The following USP30 variants were observed in gnomAD, a reference collection of about 807,000 sequenced individuals.
The protein encoded by USP30 is ubiquitin specific peptidase 30, also known as ubiquitin carboxyl-terminal hydrolase 30.
USP30 carries 41 observed loss-of-function variants against 68.2 expected under a neutral mutation model. The observed-to-expected ratio is 0.60, with a 90% CI of 0.47 to 0.78. USP30 has a LOEUF of 0.78. Among genes scored for constraint, USP30 ranks in the 30% least tolerant of loss-of-function variants. USP30 has a pLI of 0.00. For missense variants in USP30, 522 were observed against 649.4 expected, an observed-to-expected ratio of 0.80 and a Z score of 2.13; for synonymous variants, 229 against 253.7, an observed-to-expected ratio of 0.90 and a Z score of 0.93.
intron 7 of USP30, among the ~76,000 whole-genome samples, chr12:109,079,868 C>T (rs147855167): frequency 1.2e-3 from 181 of 152,260 alleles, no homozygotes; most frequent in African/African-American, 4.1e-3. Context: ...GTGAGGTCCT[C>T]GTGTGCTGAC....
At chr12:109,039,412 G>A (rs1262866306) in intron 3 of USP30, among the ~76,000 whole-genome samples, 1 of 152,150 alleles carries the variant, frequency 6.6e-6, no homozygotes, top group South Asian at 2.1e-4. Flanking sequence ...GATAGGGCTT[G>A]TGTTCTAGTC....
intron 6 of USP30, among the ~76,000 whole-genome samples, chr12:109,072,840 A>G (rs1471235807): frequency 6.6e-6 from 1 of 152,238 alleles, no homozygotes; most frequent in Non-Finnish European, 1.5e-5. Context: ...GCCTCATAAC[A>G]ACTCTACAAA....
intron 12 of USP30, 58 bp from the exon 13 acceptor site, chr12:109,085,609 G>A: frequency 6.3e-7 from 1 of 1,585,404 alleles, no homozygotes; most frequent in Non-Finnish European, 8.6e-7. Flanking sequence ...TTTTGTTTTT[G>A]CCTATAAAGT....
Position 109,052,642 on chromosome 12 carries a change from G to A in USP30, c.-37G>A, listed in dbSNP as rs1299709206. The A allele has an allele frequency of 2.7e-6, 4 of 1,464,082 alleles. No individual in the cohort carries two copies. The highest frequency in any genetic ancestry group is 3.6e-6 in the Non-Finnish European group (4 of 1,114,644). The allele number at this position is 1,464,082 out of a possible 1,614,324, so 90.7% of individuals were successfully genotyped here. On this transcript the variant is annotated 5_prime_UTR_variant, in exon 1 of 13. Transcript: ENST00000257548. ...CGGTCCGGCGGCGGCGGCGGCGGTA[G>A]CGGAGGAGACGGTTTCAGGCCTCCG...
chr12:109,040,666 T>C (rs2040558218), intron 3 of USP30, among the ~76,000 whole-genome samples: 1 of 152,234 alleles, frequency 6.6e-6, no homozygotes, highest in African/African-American at 2.4e-5. Flanking sequence ...ACTCACGTGA[T>C]TGGCAAGTTG....
chr12:109,048,749 A>AAAAAC (rs2040630910), upstream of USP30, among the ~76,000 whole-genome samples: 1 of 151,864 alleles, frequency 6.6e-6, no homozygotes, highest in Non-Finnish European at 1.5e-5. Flanking sequence ...CAAAAAAAAA[A>AAAAAC]AAAACAAAAA....
chr12:109,043,852 AT>A, intron 3 of USP30, among the ~76,000 whole-genome samples: 1 of 152,336 alleles, frequency 6.6e-6, no homozygotes, highest in East Asian at 1.9e-4. Context: ...ATATCCAGCA[AT>A]TTCAGGTTGG....
chr12:109,054,182 C>CA (rs1308363380), intron 1 of USP30: 14 of 399,424 alleles, frequency 3.5e-5, no homozygotes, highest in African/African-American at 1.9e-4. Context: ...TTTGTGAACT[C>CA]ACGTATCGTG....
rs150841677 is a variant in USP30 at position 109,038,998 on chromosome 12, C to T, written c.-135-8592C>T. ...AATTGCAAGAGTTCTTTACATATTC[C>T]GGATACAAGTCTTTGTTAGATATAT... On this transcript the variant is annotated intron_variant, in intron 3 of 15. Transcript: ENST00000392784. Among the ~76,000 whole-genome samples, 329 of 152,154 alleles carry T rather than the reference C, an allele frequency of 2.2e-3. 1 individual carries two copies. Among genetic ancestry groups the T allele is most frequent in the African/African-American group, 7.1e-3 (294 of 41,500 alleles).
intron 2 of USP30, among the ~76,000 whole-genome samples, chr12:109,025,831 G>A (rs2040441260): frequency 1.3e-5 from 2 of 151,920 alleles, no homozygotes; most frequent in Non-Finnish European, 2.9e-5. Flanking sequence ...AGGACTACAA[G>A]TGTGCACCAC....
At chr12:109,053,622 C>G (rs980529642) in intron 1 of USP30, 1 of 160,070 alleles carries the variant, frequency 6.2e-6, no homozygotes, top group East Asian at 1.8e-4. Flanking sequence ...GGCTGAAAGT[C>G]CTCGATACTT....
At chr12:109,068,688 T>G (rs189087215) in intron 4 of USP30, among the ~76,000 whole-genome samples, 1 of 152,344 alleles carries the variant, frequency 6.6e-6, no homozygotes, top group Non-Finnish European at 1.5e-5. Flanking sequence ...ATAACTTTTT[T>G]AAGGTCCGAC....
intron 7 of USP30, among the ~76,000 whole-genome samples, chr12:109,080,437 C>G (rs1464577895): frequency 1.3e-5 from 2 of 152,164 alleles, no homozygotes; most frequent in Admixed American, 6.5e-5. Context: ...TGTTTTGTTG[C>G]AAACTTTACA....
At chr12:109,043,724 A>T (rs1242536759) in intron 3 of USP30, among the ~76,000 whole-genome samples, 1 of 152,218 alleles carries the variant, frequency 6.6e-6, no homozygotes, top group African/African-American at 2.4e-5. Context: ...AAAATTGGCA[A>T]ATTGGACTTC....
At position 109,073,817 on chromosome 12, in the gene USP30, G is replaced by T. The variant is rs546884044; in HGVS notation, c.720+285G>T. Among the ~76,000 whole-genome samples the T allele has an allele frequency of 7.9e-5, 12 of 152,192 alleles. No homozygotes were observed. The East Asian group carries it at 2.3e-3, about 29-fold the overall frequency. ...GTGGACACAGTAGATTCTAGGGCTG[G>T]TTTTTTCCCCTTTACTTTTGAGGTT... On this transcript the variant is annotated intron_variant, in intron 7 of 12. Transcript: ENST00000257548.
chr12:109,062,328 C>CTTTTTTTTTTTTTTTTTT (rs773303115), intron 3 of USP30, among the ~76,000 whole-genome samples: 1 of 103,068 alleles, frequency 9.7e-6, no homozygotes. Context: ...ACCTCCTTCA[C>CTTTTTTTTTTTTTTTTTT]TTTTTTTTTT....
rs186075171 is a variant in USP30, at chr12:109,078,357, G to A, written c.721-2977G>A. Among the ~76,000 whole-genome samples, 10 of 151,948 alleles carry A rather than the reference G, an allele frequency of 6.6e-5. 1 individual carries two copies. The highest frequency in any genetic ancestry group is 4.2e-4 in the South Asian group (2 of 4,804). On this transcript the variant is annotated intron_variant, in intron 7 of 12. Transcript: ENST00000257548. Reference sequence around the variant, plus strand: ...GAGAATGGCTTGAACCCAGGAGGCCGATGTTGTGGTGAGCCGAGATCACGC... The same window carrying A: ...GAGAATGGCTTGAACCCAGGAGGCCAATGTTGTGGTGAGCCGAGATCACGC...
At chr12:109,082,370 G>A (rs2041828592) in intron 9 of USP30, among the ~76,000 whole-genome samples, 1 of 152,206 alleles carries the variant, frequency 6.6e-6, no homozygotes, top group African/African-American at 2.4e-5. Flanking sequence ...TCTGACTCAA[G>A]AGGAACTGTA....
intron 1 of USP30, 85 bp from the exon 2 acceptor site, chr12:109,056,597 T>C: frequency 1.1e-6 from 1 of 920,320 alleles, no homozygotes. Flanking sequence ...TGGGTTATTT[T>C]GACAAAATGT....
Sources: gnomAD v4.1 joint callset for allele counts (sites outside exome capture counted in the v4.1 genomes callset) on GRCh38, gnomAD v4.1.1 for gene constraint, MANE v1.5 for transcripts, NCBI Gene and HGNC (gene_info 2026-07-23, HGNC 2026-07-21) for gene names.